Variants in PTBP2 observed in about 807,000 individuals in gnomAD.
PTBP2 encodes the protein polypyrimidine tract binding protein 2, also known as polypyrimidine tract-binding protein 2.
A neutral mutation model predicts 61.4 loss-of-function variants in PTBP2; 13 were observed. That is an observed-to-expected ratio of 0.21 (90% CI 0.14 to 0.34). The LOEUF is 0.34. Among genes scored for constraint, PTBP2 ranks in the 10% least tolerant of loss-of-function variants. PTBP2 has a pLI of 1.00. For synonymous variants in PTBP2, 215 were observed against 218.5 expected, an observed-to-expected ratio of 0.98 and a Z score of 0.14; for missense variants, 405 against 642.6, an observed-to-expected ratio of 0.63 and a Z score of 4.00.
At chr1:96,724,032 A>C (rs1206860731) in intron 2 of PTBP2, among the ~76,000 whole-genome samples, 2 of 152,202 alleles carry the variant, frequency 1.3e-5, no homozygotes, top group Non-Finnish European at 2.9e-5. Context: ...AATGAATTAC[A>C]CTGATCCTTA....
At chr1:96,777,540 G>A in intron 5 of PTBP2, 45 bp from the exon 6 acceptor site, 1 of 1,535,946 alleles carries the variant, frequency 6.5e-7, no homozygotes, top group Non-Finnish European at 8.8e-7. Context: ...CAAAGTATGT[G>A]ACAATAATGG....
chr1:96,798,041 A>G (rs898577114), intron 8 of PTBP2, among the ~76,000 whole-genome samples: 16 of 149,420 alleles, frequency 1.1e-4, no homozygotes, highest in African/African-American at 3.7e-4. Context: ...GTGCCACTGC[A>G]CTCCAGCCTG....
chr1:96,765,004 A>C (rs1430725641), intron 3 of PTBP2, among the ~76,000 whole-genome samples: 1 of 152,228 alleles, frequency 6.6e-6, no homozygotes, highest in East Asian at 1.9e-4. Flanking sequence ...AGCCAACAGA[A>C]TAGCAGAAGT....
intron 8 of PTBP2, among the ~76,000 whole-genome samples, chr1:96,793,905 G>A (rs1039160721): frequency 9.9e-5 from 15 of 152,072 alleles, no homozygotes; most frequent in Non-Finnish European, 1.9e-4. Context: ...ATGTTACTAC[G>A]TCATTTCATG....
At chr1:96,783,628 A>G (rs910952351) in intron 7 of PTBP2, among the ~76,000 whole-genome samples, 3 of 152,066 alleles carry the variant, frequency 2.0e-5, no homozygotes, top group African/African-American at 7.2e-5. Context: ...TAGTCACCTA[A>G]GAGTGAATTT....
downstream of PTBP2, chr1:96,818,941 T>C (rs2101311658): frequency 1.3e-5 from 2 of 152,106 alleles, 1 homozygote; most frequent in East Asian, 3.9e-4. Context: ...TGTATAATAC[T>C]GATCAAAAGA....
intron 3 of PTBP2, among the ~76,000 whole-genome samples, chr1:96,755,652 C>T (rs1274323578): frequency 6.6e-6 from 1 of 152,136 alleles, no homozygotes; most frequent in African/African-American, 2.4e-5. Flanking sequence ...AATACAACAG[C>T]CATGTAGAAT....
intron 3 of PTBP2, among the ~76,000 whole-genome samples, chr1:96,755,828 GAA>G (rs1655088810): frequency 6.6e-6 from 1 of 152,196 alleles, no homozygotes; most frequent in Non-Finnish European, 1.5e-5. Context: ...TTAAGAGTGG[GAA>G]AGGACAGGCA....
chr1:96,769,625 A>T, intron 3 of PTBP2, 78 bp from the exon 4 acceptor site: 1 of 1,069,190 alleles, frequency 9.4e-7, no homozygotes, highest in Non-Finnish European at 1.3e-6. Context: ...GGAAATTTGT[A>T]GTTTTTTTAC....
At chr1:96,802,635 T>A (rs1044893792) in intron 8 of PTBP2, among the ~76,000 whole-genome samples, 3 of 152,162 alleles carry the variant, frequency 2.0e-5, no homozygotes, top group African/African-American at 7.2e-5. Flanking sequence ...AAACAGACTT[T>A]ATTGTTAAAA....
At chr1:96,805,716 A>G (rs1661437964) in intron 9 of PTBP2, among the ~76,000 whole-genome samples, 1 of 152,138 alleles carries the variant, frequency 6.6e-6, no homozygotes, top group Admixed American at 6.5e-5. Context: ...ACATTAGCTT[A>G]TTTTATCCAT....
At chr1:96,739,142 TG>T (rs1652633135) in intron 2 of PTBP2, among the ~76,000 whole-genome samples, 1 of 152,172 alleles carries the variant, frequency 6.6e-6, no homozygotes, top group Admixed American at 6.5e-5. Flanking sequence ...ATTAGTTTTT[TG>T]TAATTCTTTA....
chr1:96,777,551 G>A, intron 5 of PTBP2, 34 bp from the exon 6 acceptor site: 2 of 1,568,066 alleles, frequency 1.3e-6, no homozygotes, highest in Non-Finnish European at 8.6e-7. Flanking sequence ...ACAATAATGG[G>A]TATGTTTCTA....
chr1:96,785,293 T>C (rs556492886), intron 8 of PTBP2, 39 bp downstream of exon 8: 2 of 1,460,946 alleles, frequency 1.4e-6, no homozygotes, highest in African/African-American at 2.9e-5. Flanking sequence ...TCTCCCATTT[T>C]GCCAAATGGA....
At chr1:96,792,879 A>G (rs757071477) in intron 8 of PTBP2, among the ~76,000 whole-genome samples, 11 of 152,040 alleles carry the variant, frequency 7.2e-5, no homozygotes, top group Non-Finnish European at 1.5e-4. Flanking sequence ...ATTAAACCAA[A>G]AAACTCATCT....
At chr1:96,812,186 C>T (rs542405540) in intron 11 of PTBP2, among the ~76,000 whole-genome samples, 26 of 152,042 alleles carry the variant, frequency 1.7e-4, no homozygotes, top group Non-Finnish European at 3.1e-4. Flanking sequence ...CAGGTATTGA[C>T]GTGATCAGAT....
chr1:96,776,955 T>A (rs1366826208), intron 5 of PTBP2, among the ~76,000 whole-genome samples: 5 of 152,070 alleles, frequency 3.3e-5, no homozygotes, highest in African/African-American at 1.2e-4. Context: ...ATTTTATAAT[T>A]AATGGTGTAT....
chr1:96,767,791 G>C (rs917975847), intron 3 of PTBP2, among the ~76,000 whole-genome samples: 2 of 152,062 alleles, frequency 1.3e-5, no homozygotes, highest in Non-Finnish European at 2.9e-5. Context: ...GACAAATTCA[G>C]GTGCCCTGTG....
intron 8 of PTBP2, among the ~76,000 whole-genome samples, chr1:96,804,289 A>G (rs1007015604): frequency 6.6e-6 from 1 of 152,180 alleles, no homozygotes; most frequent in African/African-American, 2.4e-5. Context: ...TTAAATAATG[A>G]TGTTCAGAGT....
Sources: allele counts gnomAD v4.1 joint callset (sites outside exome capture counted in the v4.1 genomes callset), GRCh38; gene constraint gnomAD v4.1.1; transcripts MANE v1.5; gene names NCBI Gene and HGNC (gene_info 2026-07-23, HGNC 2026-07-21).